The following POLQ variants were observed in gnomAD, a reference collection of about 807,000 sequenced individuals.
The protein encoded by POLQ is epididymis secretory sperm binding protein.
A neutral mutation model predicts 259.2 loss-of-function variants in POLQ; 233 were observed. The ratio of observed to expected loss-of-function variants is 0.90; its 90% CI spans 0.81 to 1.00. The LOEUF is 1.00. Ranked by LOEUF, POLQ falls within the 50% of genes least tolerant of loss-of-function variation. The pLI is 0.00. For synonymous variants in POLQ, 1,025 were observed against 1,048.8 expected, an observed-to-expected ratio of 0.98 and a Z score of 0.44; for missense variants, 2,871 against 3,051.6, an observed-to-expected ratio of 0.94 and a Z score of 1.39.
Position 121,489,282 on chromosome 3 carries a change from G to T in POLQ, c.3649C>A (p.Gln1217Lys). The T allele has an allele frequency of 3.1e-6, 5 of 1,613,688 alleles. No individual in the cohort carries two copies. In the South Asian group the frequency reaches 3.3e-5, roughly 11 times the overall value. Residue 1217 changes from glutamine to lysine, a missense_variant, in exon 16 of 30, where the codon CAA becomes AAA. By Grantham distance (53) the Gln-to-Lys change is moderately conservative. Coordinates refer to ENST00000264233, the MANE Select transcript of POLQ (RefSeq NM_199420.4). Reference sequence around the variant, plus strand: ...CTACTGACTGCTTCACAGGGCATTTGTCTCTCTATTATATTTTTCTGTTTG... The same window carrying T: ...CTACTGACTGCTTCACAGGGCATTTTTCTCTCTATTATATTTTTCTGTTTG... ...ITKQKNIIER[Q>K]MPCEAVSSYI...
At chr3:121,474,973 T>G (rs1459716555) in intron 20 of POLQ, among the ~76,000 whole-genome samples, 1 of 152,194 alleles carries the variant, frequency 6.6e-6, no homozygotes, top group Non-Finnish European at 1.5e-5. Context: ...TTAAGCTGAT[T>G]AACATATTGA....
In POLQ at chr3:121,442,113, T is replaced by C. The variant is rs188013433; in HGVS notation, c.7265-1997A>G. ...CTTTGTTCGATGGAACTACTGCAAA[T>C]ATTTCTTCCCAGTTTGTACCTTGCT... On this transcript the variant is annotated intron_variant, in intron 26 of 29. Coordinates refer to ENST00000264233, the MANE Select transcript of POLQ (RefSeq NM_199420.4). Among the ~76,000 whole-genome samples, 263 of 152,336 alleles carry C rather than the reference T, an allele frequency of 1.7e-3. 2 individuals carry two copies. Among genetic ancestry groups the C allele is most frequent in the Middle Eastern group, 3.4e-3 (1 of 294 alleles).
Position 121,473,424 on chromosome 3 carries a change from T to A in POLQ, c.6469A>T (p.Thr2157Ser), listed in dbSNP as rs1391951041. 6.2e-7 allele frequency: 1 copy of A among 1,613,876 alleles called. No individual in the cohort carries two copies. Among genetic ancestry groups the A allele is most frequent in the East Asian group, 2.2e-5 (1 of 44,874 alleles). The change falls in exon 21 of 30, where the codon ACT (threonine) becomes TCT (serine). Residue 2157 changes from threonine (T) to serine (S), a missense_variant. By Grantham distance (58) the Thr-to-Ser change is moderately conservative. Around this residue, in one of 3 missense-constraint regions of POLQ, gnomAD observed 2,080 missense variants for 2,126.0 expected, o/e 0.98. Coordinates refer to ENST00000264233, the MANE Select transcript of POLQ (RefSeq NM_199420.4). ...REMKNQGSKKTLGSTRRGIDN... is the reference protein window; with the variant it reads ...REMKNQGSKKSLGSTRRGIDN... Reference sequence around the variant, plus strand: ...ATCCCTCTTCTGGTAGAACCCAGAGTTTTCTTGCTGCCTTGGTTTTTCATC... The same window carrying A: ...ATCCCTCTTCTGGTAGAACCCAGAGATTTCTTGCTGCCTTGGTTTTTCATC...
chr3:121,451,145 A>C (rs2047671987), intron 25 of POLQ, among the ~76,000 whole-genome samples: 1 of 152,138 alleles, frequency 6.6e-6, no homozygotes, highest in South Asian at 2.1e-4. Context: ...CCATCAGGTC[A>C]TTTAAGGACT....
chr3:121,533,637 T>C (rs568525934), intron 5 of POLQ, among the ~76,000 whole-genome samples: 10 of 152,268 alleles, frequency 6.6e-5, no homozygotes, highest in African/African-American at 2.2e-4. Context: ...TGCCTTAGCC[T>C]CCCAAGTAGC....
At chr3:121,536,132 C>T (rs1468678731) in intron 5 of POLQ, among the ~76,000 whole-genome samples, 4 of 152,122 alleles carry the variant, frequency 2.6e-5, no homozygotes, top group Non-Finnish European at 5.9e-5. Context: ...TTTAGAAAAG[C>T]AGAAGTAATC....
chr3:121,470,865 G>C lies in POLQ; in HGVS notation c.6718+1125C>G, dbSNP rs2108789422. Among the ~76,000 whole-genome samples, 4 of 152,268 alleles carry C rather than the reference G, an allele frequency of 2.6e-5. No homozygotes were observed. The South Asian group carries it at 8.3e-4, about 32-fold the overall frequency. On this transcript the variant is annotated intron_variant, in intron 22 of 29. Transcript: ENST00000264233. ...GCCCAGGCTAGTCTCAAACTCCTGGGCTCAAGTGACCCTCCCATCTTGGCC... is the reference window on the plus strand; with the variant it reads ...GCCCAGGCTAGTCTCAAACTCCTGGCCTCAAGTGACCCTCCCATCTTGGCC...
chr3:121,541,819 G>C (rs1339229442), intron 2 of POLQ, among the ~76,000 whole-genome samples: 1 of 152,062 alleles, frequency 6.6e-6, no homozygotes, highest in South Asian at 2.1e-4. Context: ...TATGATAGGA[G>C]CTATGATCGA....
Position 121,454,613 on chromosome 3 carries a change from A to G in POLQ, c.7153-5187T>C, listed in dbSNP as rs539357121. Among the ~76,000 whole-genome samples the G allele has an allele frequency of 9.0e-3, 1,371 of 152,338 alleles. 19 individuals carry two copies. The highest frequency in any genetic ancestry group is 0.031 in the African/African-American group (1,298 of 41,570). On this transcript the variant is annotated intron_variant, in intron 25 of 29. Transcript: ENST00000264233. ...CTCTGATAAAACAGACTTTAAACCAACAAAGATCAAAAGAGACAAAGAAGG... is the reference window on the plus strand; with the variant it reads ...CTCTGATAAAACAGACTTTAAACCAGCAAAGATCAAAAGAGACAAAGAAGG...
chr3:121,510,382 C>G, intron 10 of POLQ, 139 bp from the exon 11 acceptor site: 1 of 624,118 alleles, frequency 1.6e-6, no homozygotes, highest in Non-Finnish European at 2.8e-6. Context: ...TGGAGACCAT[C>G]CTGGTTAACA....
intron 24 of POLQ, among the ~76,000 whole-genome samples, chr3:121,462,567 T>C (rs2047800920): frequency 6.6e-6 from 1 of 152,170 alleles, no homozygotes; most frequent in Non-Finnish European, 1.5e-5. Context: ...AATATTAAGT[T>C]GTGCAGGGGG....
At chr3:121,526,906 C>T (rs1172476335) in intron 7 of POLQ, among the ~76,000 whole-genome samples, 1 of 151,928 alleles carries the variant, frequency 6.6e-6, no homozygotes, top group Non-Finnish European at 1.5e-5. Flanking sequence ...CGCGCACGCA[C>T]GTGCATCTGT....
rs1394608658 is a variant in POLQ at position 121,544,829 on chromosome 3, G to T, written c.241C>A (p.Leu81Met). 1 of 1,612,124 alleles carries T rather than the reference G, an allele frequency of 6.2e-7. No individual in the cohort carries two copies. Among genetic ancestry groups the T allele is most frequent in the Non-Finnish European group, 8.5e-7 (1 of 1,178,384 alleles). The change falls in exon 2 of 30, where the codon CTG (leucine) becomes ATG (methionine). Residue 81 changes from leucine (L) to methionine (M), a missense_variant. Around this residue, in one of 3 missense-constraint regions of POLQ, gnomAD observed 783 missense variants for 906.2 expected, o/e 0.86. Transcript: ENST00000264233. Reference sequence around the variant, plus strand: ...ACACCAAAACTGTGGTATTTTTCCAGAACTGCTTTAGGAAGTCCCCAGTTT... The same window carrying T: ...ACACCAAAACTGTGGTATTTTTCCATAACTGCTTTAGGAAGTCCCCAGTTT... Reference protein sequence around the residue: ...LANWGLPKAVLEKYHSFGVKK... With the variant: ...LANWGLPKAVMEKYHSFGVKK...
At chr3:121,440,283 A>G (rs551945108) in intron 26 of POLQ, among the ~76,000 whole-genome samples, 167 bp from the exon 27 acceptor site, 1 of 152,326 alleles carries the variant, frequency 6.6e-6, no homozygotes, top group African/African-American at 2.4e-5. Context: ...TCTAGACTCA[A>G]AAAGTTAGAA....
At chr3:121,518,088 A>T (rs1042261705) in intron 9 of POLQ, among the ~76,000 whole-genome samples, 1 of 152,226 alleles carries the variant, frequency 6.6e-6, no homozygotes, top group African/African-American at 2.4e-5. Context: ...GCAAGCCTCT[A>T]GTAAAAACAT....
chr3:121,486,675 A>T (rs1405376171), intron 16 of POLQ, among the ~76,000 whole-genome samples: 1 of 152,082 alleles, frequency 6.6e-6, no homozygotes, highest in East Asian at 1.9e-4. Flanking sequence ...ACCACCCTGG[A>T]CAACATGGTG....
At chr3:121,502,537 CAT>C (rs1242323793) in intron 12 of POLQ, among the ~76,000 whole-genome samples, 1 of 152,068 alleles carries the variant, frequency 6.6e-6, no homozygotes, top group Admixed American at 6.6e-5. Context: ...GGGTCCATAA[CAT>C]ATAAAATTCA....
At chr3:121,454,664 A>C (rs1056707361) in intron 25 of POLQ, among the ~76,000 whole-genome samples, 2 of 152,258 alleles carry the variant, frequency 1.3e-5, no homozygotes, top group African/African-American at 2.4e-5. Context: ...AAAGGGATCA[A>C]TTCAACAAGA....
chr3:121,492,728 C>T (rs531673132), intron 15 of POLQ, among the ~76,000 whole-genome samples: 36 of 151,786 alleles, frequency 2.4e-4, no homozygotes, highest in East Asian at 1.6e-3. Context: ...CTCGACCTCC[C>T]GGGCTCAACC....
Sources: allele counts gnomAD v4.1 joint callset (sites outside exome capture counted in the v4.1 genomes callset), GRCh38; gene constraint gnomAD v4.1.1; regional missense constraint gnomAD v4.1.1; transcripts MANE v1.5; gene names NCBI Gene and HGNC (gene_info 2026-07-23, HGNC 2026-07-21).